Variants in RHOBTB1 observed in about 807,000 individuals in gnomAD.
RHOBTB1 encodes the protein rho-related BTB domain-containing protein 1.
In RHOBTB1, 40 loss-of-function variants were observed where a neutral mutation model predicts 71.6. The observed-to-expected ratio is 0.56, with a 90% confidence interval of 0.43 to 0.73. The LOEUF (loss-of-function observed/expected upper bound fraction) is 0.73. RHOBTB1 is among the 30% of genes least tolerant of loss of function. The probability of loss-of-function intolerance (pLI) is 0.00; values close to 1 mark genes in which losing one functional copy is unlikely to be tolerated. For missense variants in RHOBTB1, 797 were observed against 894.0 expected (o/e 0.89, Z 1.38); for synonymous variants, 319 against 334.9 (o/e 0.95, Z 0.52).
In RHOBTB1 at chr10:60,893,120, C is replaced by G. The variant is rs1389223446; in HGVS notation, c.297-125G>C. On this transcript the variant is annotated intron_variant, in intron 4 of 10. Transcript: ENST00000337910. ...ATGTCACAATTAAAAAAAAAAAAGACCAGATATTAAAAAACATCTTGGAGT... is the reference window on the plus strand; with the variant it reads ...ATGTCACAATTAAAAAAAAAAAAGAGCAGATATTAAAAAACATCTTGGAGT... The G allele has an allele frequency of 5.7e-6, 4 of 700,036 alleles. No homozygotes were observed. The Admixed American group carries it at 1.2e-4, about 22-fold the overall frequency. The allele number at this position is 700,036 out of a possible 1,614,324, so 43.4% of individuals were successfully genotyped here. A position where few individuals can be genotyped will look rare whatever the true frequency, so the allele number is the denominator to read the frequency against.
At chr10:60,900,833 C>T (rs1231164915) in intron 4 of RHOBTB1, among the ~76,000 whole-genome samples, 1 of 152,046 alleles carries the variant, frequency 6.6e-6, no homozygotes, top group East Asian at 1.9e-4. Flanking sequence ...CATGTAATAC[C>T]TCTGGTATAC....
At position 60,900,433 on chromosome 10, in the gene RHOBTB1, G is replaced by A. The variant is rs183359428; in HGVS notation, c.297-7438C>T. ...GTTCAGAATAATGATAAGCTTTTTC[G>A]TGAGCTATTTATTTCTGCTTCCCTG... On this transcript the variant is annotated intron_variant, in intron 4 of 10. Coordinates refer to ENST00000337910, the MANE Select transcript of RHOBTB1 (RefSeq NM_014836.5). 1.1e-3 allele frequency among the ~76,000 whole-genome samples: 165 copies of A among 152,234 alleles called. 6 individuals are homozygous for A. In the South Asian group the frequency reaches 0.029, roughly 27 times the overall value.
intron 7 of RHOBTB1, among the ~76,000 whole-genome samples, chr10:60,883,295 G>C (rs1262007491): frequency 6.6e-6 from 1 of 152,206 alleles, no homozygotes; most frequent in Non-Finnish European, 1.5e-5. Flanking sequence ...TGCTAAACAG[G>C]TGGCCTCCTC....
downstream of RHOBTB1, among the ~76,000 whole-genome samples, chr10:60,864,613 T>G (rs1490059096): frequency 6.6e-6 from 1 of 152,202 alleles, no homozygotes; most frequent in Admixed American, 6.5e-5. Flanking sequence ...TTTCTTTCTT[T>G]TTTTTTCTTT....
chr10:60,991,756 T>C (rs1465290258), intron 1 of RHOBTB1, among the ~76,000 whole-genome samples: 1 of 152,108 alleles, frequency 6.6e-6, no homozygotes, highest in Non-Finnish European at 1.5e-5. Flanking sequence ...ATGCTGCCTG[T>C]TCTGTCTCCT....
chr10:60,909,401 T>C (rs764313355), intron 4 of RHOBTB1, among the ~76,000 whole-genome samples: 1 of 152,166 alleles, frequency 6.6e-6, no homozygotes, highest in Admixed American at 6.5e-5. Flanking sequence ...GTTGAAATAG[T>C]CTCTAGATTC....
At chr10:60,978,468 A>T (rs1343900554) in intron 2 of RHOBTB1, among the ~76,000 whole-genome samples, 6 of 152,290 alleles carry the variant, frequency 3.9e-5, no homozygotes, top group African/African-American at 1.4e-4. Flanking sequence ...ATTCTACATT[A>T]TAGACTGAGA....
chr10:60,865,094 A>G (rs2080631093), downstream of RHOBTB1, among the ~76,000 whole-genome samples: 1 of 152,210 alleles, frequency 6.6e-6, no homozygotes, highest in Non-Finnish European at 1.5e-5. Context: ...GGGCTGAGAG[A>G]GAAAACATAG....
At chr10:60,892,417 C>A (rs912737000) in intron 5 of RHOBTB1, among the ~76,000 whole-genome samples, 1 of 152,168 alleles carries the variant, frequency 6.6e-6, no homozygotes, top group Non-Finnish European at 1.5e-5. Context: ...TTGTATGAAT[C>A]TGATGTTCTC....
intron 1 of RHOBTB1, among the ~76,000 whole-genome samples, chr10:60,987,557 T>C (rs1474408480): frequency 6.6e-6 from 1 of 152,132 alleles, no homozygotes; most frequent in African/African-American, 2.4e-5. Context: ...GTTCAGAAAC[T>C]CACCCACCAT....
At position 60,931,297 on chromosome 10, in the gene RHOBTB1, A is replaced by T. The variant is rs568343372; in HGVS notation, c.-11+10507T>A. The stretch of plus-strand genomic sequence containing the variant: ...GATCTAATTCCAGAATATTTCCATT[A>T]TCCCCCAAAGAAACCTTGTGCCCAC... On this transcript the variant is annotated intron_variant, in intron 2 of 10. Transcript: ENST00000337910. 5.3e-5 allele frequency among the ~76,000 whole-genome samples: 8 copies of T among 152,280 alleles called. No individual in the cohort carries two copies. In the South Asian group the frequency reaches 1.7e-3, roughly 32 times the overall value.
At chr10:60,925,857 A>AT (rs1336852127) in intron 2 of RHOBTB1, among the ~76,000 whole-genome samples, 1 of 152,250 alleles carries the variant, frequency 6.6e-6, no homozygotes, top group Non-Finnish European at 1.5e-5. Flanking sequence ...AGATAGAGCC[A>AT]TGAAGAAATA....
chr10:60,895,498 G>C (rs2082120267), intron 4 of RHOBTB1, among the ~76,000 whole-genome samples: 4 of 152,204 alleles, frequency 2.6e-5, no homozygotes. Flanking sequence ...TCTGCCTCCT[G>C]GGTTCAAGCA....
At chr10:60,987,057 C>A (rs1050775340) in intron 1 of RHOBTB1, among the ~76,000 whole-genome samples, 1 of 152,180 alleles carries the variant, frequency 6.6e-6, no homozygotes, top group Non-Finnish European at 1.5e-5. Flanking sequence ...AAACGGACAG[C>A]TGCACAGCCC....
intron 2 of RHOBTB1, among the ~76,000 whole-genome samples, chr10:60,920,880 C>T (rs534506809): frequency 4.2e-4 from 64 of 151,788 alleles, no homozygotes; most frequent in African/African-American, 1.5e-3. Flanking sequence ...TGGTCTTGAA[C>T]TCCTGAGCTC....
chr10:60,928,260 T>C (rs906232999), intron 2 of RHOBTB1, among the ~76,000 whole-genome samples: 4 of 152,050 alleles, frequency 2.6e-5, no homozygotes, highest in Admixed American at 6.6e-5. Context: ...ACTATATGGA[T>C]GTTCCTCAAA....
chr10:60,982,474 A>G (rs1239670758), intron 2 of RHOBTB1, among the ~76,000 whole-genome samples: 1 of 152,118 alleles, frequency 6.6e-6, no homozygotes, highest in Admixed American at 6.6e-5. Context: ...GGGTTTCTCA[A>G]CCTTGATACC....
chr10:60,950,355 C>T (rs1453603126), intron 2 of RHOBTB1, among the ~76,000 whole-genome samples: 1 of 152,040 alleles, frequency 6.6e-6, no homozygotes, highest in Non-Finnish European at 1.5e-5. Context: ...GGTGTTAATG[C>T]TAGATTTCAA....
At chr10:60,929,950 T>C (rs1175220630) in intron 2 of RHOBTB1, among the ~76,000 whole-genome samples, 2 of 152,158 alleles carry the variant, frequency 1.3e-5, no homozygotes, top group African/African-American at 2.4e-5. Flanking sequence ...GCTGACCACA[T>C]ACTGGGCCAT....
Sources: allele counts gnomAD v4.1 joint callset (sites outside exome capture counted in the v4.1 genomes callset), GRCh38; gene constraint gnomAD v4.1.1; transcripts MANE v1.5; gene names NCBI Gene and HGNC (gene_info 2026-07-23, HGNC 2026-07-21).